The following MYRFL variants were observed in gnomAD, a reference collection of about 807,000 sequenced individuals.
MYRFL encodes the protein myelin regulatory factor-like protein.
In MYRFL, 88 loss-of-function variants were observed where a neutral mutation model predicts 109.4. That is an observed-to-expected ratio of 0.80 (90% CI 0.68 to 0.96). The LOEUF (loss-of-function observed/expected upper bound fraction) is 0.96, where lower values mean the gene tolerates loss of function less well. MYRFL is among the 40% of genes least tolerant of loss of function. The probability of loss-of-function intolerance (pLI) is 0.00; values close to 1 mark genes in which losing one functional copy is unlikely to be tolerated. For synonymous variants in MYRFL, 324 were observed against 320.9 expected (o/e 1.01, Z -0.10); for missense variants, 957 against 954.9 (o/e 1.00, Z -0.03).
At chr12:69,895,515 T>C in intron 9 of MYRFL, 34 bp downstream of exon 9, 1 of 1,513,814 alleles carries the variant, frequency 6.6e-7, no homozygotes, top group Non-Finnish European at 8.9e-7. Context: ...GCAGTGTGGC[T>C]GGGTACTTTA....
intron 2 of MYRFL, among the ~76,000 whole-genome samples, chr12:69,863,903 C>G (rs1489801443): frequency 6.6e-6 from 1 of 152,152 alleles, no homozygotes; most frequent in Non-Finnish European, 1.5e-5. Flanking sequence ...TTTTAAAAGA[C>G]ATTTTTGCTG....
intron 10 of MYRFL, among the ~76,000 whole-genome samples, chr12:69,899,712 G>A (rs1197410613): frequency 1.3e-5 from 2 of 152,202 alleles, no homozygotes; most frequent in African/African-American, 4.8e-5. Context: ...AGGTCTCCAG[G>A]AAGGGTCCAG....
rs143952180 is a variant in MYRFL at position 69,846,151 on chromosome 12, A to G, written c.47-9129A>G. Among the ~76,000 whole-genome samples, 392 of 97,980 alleles carry G rather than the reference A, an allele frequency of 4.0e-3. 6 individuals are homozygous for G. Among genetic ancestry groups the G allele is most frequent in the African/African-American group, 0.015 (376 of 24,654 alleles). The allele number at this position is 97,980 out of a possible 152,430, so 64.3% of individuals were successfully genotyped here. A position where few individuals can be genotyped will look rare whatever the true frequency, so the allele number is the denominator to read the frequency against. ...TTTTTTTTATGACTGCCACAGTACT[A>G]GATACTTTTGTATGTCTCATTCTTT... On this transcript the variant is annotated intron_variant, in intron 1 of 24. Coordinates refer to ENST00000552032, the MANE Select transcript of MYRFL (RefSeq NM_182530.3).
intron 6 of MYRFL, among the ~76,000 whole-genome samples, chr12:69,888,988 G>A (rs1886625217): frequency 1.3e-5 from 2 of 152,278 alleles, no homozygotes; most frequent in South Asian, 4.1e-4. Flanking sequence ...CTTAAGGGTA[G>A]TCAATGACTC....
chr12:69,906,667 G>T (rs561720268), intron 11 of MYRFL, among the ~76,000 whole-genome samples: 3 of 152,296 alleles, frequency 2.0e-5, no homozygotes, highest in South Asian at 4.2e-4. Flanking sequence ...CATGAAAAAA[G>T]CTCAAGAAAG....
At chr12:69,928,206 A>G (rs1363602194) in intron 15 of MYRFL, among the ~76,000 whole-genome samples, 1 of 152,254 alleles carries the variant, frequency 6.6e-6, no homozygotes, top group African/African-American at 2.4e-5. Flanking sequence ...GGCAAAGGTT[A>G]AAATGTGATG....
chr12:69,831,087 T>A (rs1268286161), intron 1 of MYRFL, among the ~76,000 whole-genome samples: 1 of 152,204 alleles, frequency 6.6e-6, no homozygotes, highest in Non-Finnish European at 1.5e-5. Context: ...CAGTTTGGTG[T>A]GTATCTTGTG....
Position 69,928,791 on chromosome 12 carries a change from A to G in MYRFL, c.1830+1043A>G, listed in dbSNP as rs545532526. On this transcript the variant is annotated intron_variant, in intron 15 of 24. Coordinates refer to ENST00000552032, the MANE Select transcript of MYRFL (RefSeq NM_182530.3). ...AAGCTCTTTGCACAGCACTCAGCAC[A>G]TAGTAGGTTAGTCAATAAACACAAA... Among the ~76,000 whole-genome samples the G allele has an allele frequency of 1.2e-3, 181 of 152,304 alleles. 1 individual carries two copies. Among genetic ancestry groups the G allele is most frequent in the African/African-American group, 4.1e-3 (170 of 41,550 alleles).
chr12:69,892,556 A>T (rs538738557), intron 7 of MYRFL, among the ~76,000 whole-genome samples: 6 of 152,308 alleles, frequency 3.9e-5, no homozygotes, highest in African/African-American at 1.4e-4. Context: ...AATTACAGGC[A>T]TGAGCCATTG....
intron 2 of MYRFL, among the ~76,000 whole-genome samples, chr12:69,856,592 C>T (rs1448132862): frequency 6.6e-6 from 1 of 151,914 alleles, no homozygotes; most frequent in Non-Finnish European, 1.5e-5. Context: ...TTATTATAGC[C>T]ATTCTAATTG....
chr12:69,939,474 T>C, intron 19 of MYRFL, among the ~76,000 whole-genome samples: 1 of 151,844 alleles, frequency 6.6e-6, no homozygotes, highest in Non-Finnish European at 1.5e-5. Context: ...GACCTGCAGC[T>C]GAGGGTCCTG....
At chr12:69,953,971 A>G (rs546847078) in intron 21 of MYRFL, among the ~76,000 whole-genome samples, 2 of 152,324 alleles carry the variant, frequency 1.3e-5, no homozygotes, top group East Asian at 3.9e-4. Flanking sequence ...AGTTATAAAA[A>G]TAACATGTAT....
At chr12:69,903,081 A>G (rs966909264) in intron 10 of MYRFL, among the ~76,000 whole-genome samples, 1 of 152,246 alleles carries the variant, frequency 6.6e-6, no homozygotes, top group Non-Finnish European at 1.5e-5. Context: ...TGTAGCTGTT[A>G]TTATTCTTCC....
chr12:69,848,055 G>A (rs1477747437), intron 1 of MYRFL, among the ~76,000 whole-genome samples: 1 of 152,024 alleles, frequency 6.6e-6, no homozygotes, highest in Non-Finnish European at 1.5e-5. Flanking sequence ...GTGTAGAGGT[G>A]AGACTCTAGT....
Position 69,936,515 on chromosome 12 carries a change from GAA to G in MYRFL, c.2109_2110del (p.Glu703AspfsTer28). On this transcript the variant is annotated frameshift_variant, in exon 19 of 25. Coordinates refer to ENST00000552032, the MANE Select transcript of MYRFL (RefSeq NM_182530.3). LOFTEE classifies it high-confidence loss of function. ...ACAAGTACCTGAAATTACTTTCTGT[GAA>G]ATCCTGCCGTGTCAGGAGACTTATT... The part of the protein sequence containing the change: ...SLQVPEITFC[E>X]ILPCQETYCC... The G allele has an allele frequency of 6.5e-7, 1 of 1,536,068 alleles. No individual in the cohort carries two copies. The highest frequency in any genetic ancestry group is 8.7e-7 in the Non-Finnish European group (1 of 1,146,904).
At chr12:69,848,372 T>C (rs1326239315) in intron 1 of MYRFL, among the ~76,000 whole-genome samples, 2 of 151,978 alleles carry the variant, frequency 1.3e-5, no homozygotes, top group Admixed American at 1.3e-4. Flanking sequence ...AATTTAGGAG[T>C]ATTTACATCT....
At chr12:69,921,328 C>T (rs1354889910) in intron 13 of MYRFL, among the ~76,000 whole-genome samples, 1 of 152,114 alleles carries the variant, frequency 6.6e-6, no homozygotes, top group African/African-American at 2.4e-5. Context: ...CAAGTGTGAG[C>T]TAATGTGTCT....
chr12:69,906,813 C>T (rs1349835252), intron 11 of MYRFL, among the ~76,000 whole-genome samples: 1 of 152,188 alleles, frequency 6.6e-6, no homozygotes, highest in Admixed American at 6.5e-5. Context: ...TGACAGATAG[C>T]CTTCCCTGAA....
intron 2 of MYRFL, among the ~76,000 whole-genome samples, chr12:69,860,426 A>T (rs1884575251): frequency 6.6e-6 from 1 of 151,920 alleles, no homozygotes; most frequent in South Asian, 2.1e-4. Context: ...TGTTTTTGTT[A>T]TATATCTTTT....
Sources: allele counts gnomAD v4.1 joint callset (sites outside exome capture counted in the v4.1 genomes callset), GRCh38; gene constraint gnomAD v4.1.1; transcripts MANE v1.5; gene names NCBI Gene and HGNC (gene_info 2026-07-23, HGNC 2026-07-21).